The following VPS53 variants were observed in gnomAD, a reference collection of about 807,000 sequenced individuals.
VPS53 encodes the protein VPS53 subunit of GARP complex.
In VPS53, 70 loss-of-function variants were observed where a neutral mutation model predicts 107.0. The observed-to-expected ratio is 0.65, with a 90% CI of 0.54 to 0.80. The LOEUF is 0.80. Among genes scored for constraint, VPS53 ranks in the 30% least tolerant of loss-of-function variants. The pLI is 0.00. For synonymous variants in VPS53, 409 were observed against 393.3 expected (o/e 1.04, Z -0.47); for missense variants, 917 against 1,049.4 (o/e 0.87, Z 1.74).
chr17:700,967 A>G (rs1313847176), intron 2 of VPS53, among the ~76,000 whole-genome samples: 2 of 152,138 alleles, frequency 1.3e-5, no homozygotes, highest in African/African-American at 4.8e-5. Context: ...AGCTCATCCT[A>G]CTGTTCTGAC....
chr17:615,424 C>T (rs1238967701), intron 11 of VPS53, among the ~76,000 whole-genome samples: 1 of 152,130 alleles, frequency 6.6e-6, no homozygotes, highest in Non-Finnish European at 1.5e-5. Context: ...GAGCTGGCCA[C>T]ACTCTCAAGC....
chr17:632,585 T>C (rs902251858), intron 7 of VPS53, among the ~76,000 whole-genome samples: 20 of 152,302 alleles, frequency 1.3e-4, no homozygotes, highest in Admixed American at 9.2e-4. Flanking sequence ...GTCACCCTAT[T>C]GTTCTACCAA....
intron 12 of VPS53, among the ~76,000 whole-genome samples, chr17:595,775 T>C (rs1967939459): frequency 7.8e-6 from 1 of 128,104 alleles, no homozygotes; most frequent in Non-Finnish European, 1.7e-5. Flanking sequence ...AGCTGGGAGA[T>C]GGGAAGGGGT....
At chr17:598,986 G>A (rs1486076195) in intron 12 of VPS53, among the ~76,000 whole-genome samples, 1 of 57,556 alleles carries the variant, frequency 1.7e-5, no homozygotes, top group Non-Finnish European at 4.0e-5. Context: ...CGCCCCGTCC[G>A]GGAGGGAGGT....
intron 17 of VPS53, chr17:538,902 G>A (rs1910344852): frequency 6.6e-6 from 1 of 152,214 alleles, no homozygotes; most frequent in South Asian, 2.1e-4. Context: ...TCTTACGCAA[G>A]AGGCTTCTTT....
intron 13 of VPS53, among the ~76,000 whole-genome samples, chr17:566,368 G>A (rs1048602681): frequency 6.6e-5 from 10 of 152,150 alleles, no homozygotes; most frequent in Non-Finnish European, 1.2e-4. Context: ...AACTGAAGTT[G>A]GTACAAAAGG....
intron 13 of VPS53, among the ~76,000 whole-genome samples, chr17:577,061 TCAGAGAACCTAAAGCATTCC>T (rs1250359511): frequency 8.3e-6 from 1 of 120,196 alleles, no homozygotes; most frequent in East Asian, 2.7e-4. Flanking sequence ...AGAGAACCTC[TCAGAGAACCTAAAGCATTCC>T]CAGAGAACCT....
chr17:566,893 A>G (rs3786059), intron 13 of VPS53, among the ~76,000 whole-genome samples: 15,332 of 151,712 alleles, frequency 0.1, 882 homozygotes, highest in East Asian at 0.21. Context: ...ACCGGCACAC[A>G]CCACCACAAC....
chr17:601,660 G>T (rs1159205398), intron 12 of VPS53, 135 bp downstream of exon 12: 2 of 606,984 alleles, frequency 3.3e-6, no homozygotes, highest in Non-Finnish European at 5.7e-6. Context: ...TCAGATAAAG[G>T]CCTTCTGTAA....
chr17:648,196 G>A (rs892721623), intron 7 of VPS53, among the ~76,000 whole-genome samples: 3 of 152,168 alleles, frequency 2.0e-5, no homozygotes, highest in Admixed American at 6.5e-5. Context: ...CCCATTTCTC[G>A]CCCACGAGCA....
intron 17 of VPS53, among the ~76,000 whole-genome samples, chr17:545,461 C>A (rs761255483): frequency 2.1e-4 from 32 of 152,268 alleles, no homozygotes; most frequent in Non-Finnish European, 3.2e-4. Context: ...CAGCTATGGA[C>A]CTAAAGGTTT....
intron 4 of VPS53, among the ~76,000 whole-genome samples, chr17:694,799 GCT>G (rs1315116287): frequency 6.6e-6 from 1 of 152,142 alleles, no homozygotes; most frequent in African/African-American, 2.4e-5. Flanking sequence ...ATGGGGTCTC[GCT>G]CTGTCATCCG....
chr17:544,820 C>A (rs949212626), intron 17 of VPS53, among the ~76,000 whole-genome samples: 10 of 151,970 alleles, frequency 6.6e-5, no homozygotes, highest in Admixed American at 6.6e-4. Flanking sequence ...TGGCTCACAC[C>A]TGTAATTCCA....
intron 2 of VPS53, among the ~76,000 whole-genome samples, chr17:700,240 G>T (rs1973146969): frequency 6.6e-6 from 1 of 152,128 alleles, no homozygotes; most frequent in Non-Finnish European, 1.5e-5. Context: ...GAAAAGAAGT[G>T]ATTTCAAATT....
intron 10 of VPS53, 102 bp from the exon 11 acceptor site, chr17:623,776 T>C: frequency 7.6e-7 from 1 of 1,311,420 alleles, no homozygotes; most frequent in Non-Finnish European, 1.0e-6. Context: ...AAAAAATGTA[T>C]GTGGTCATTT....
At chr17:668,600 C>G (rs7209956) in intron 4 of VPS53, among the ~76,000 whole-genome samples, 1 of 152,130 alleles carries the variant, frequency 6.6e-6, no homozygotes, top group East Asian at 1.9e-4. Context: ...AGGCAACTGA[C>G]CACTAGAAAG....
At chr17:688,327 A>C (rs1972663516) in intron 4 of VPS53, among the ~76,000 whole-genome samples, 1 of 152,104 alleles carries the variant, frequency 6.6e-6, no homozygotes, top group Admixed American at 6.6e-5. Flanking sequence ...CTCTCCTGCC[A>C]CCTTGTGAAG....
intron 17 of VPS53, among the ~76,000 whole-genome samples, chr17:542,689 A>C (rs1363760029): frequency 6.6e-6 from 1 of 152,142 alleles, no homozygotes; most frequent in Non-Finnish European, 1.5e-5. Context: ...TTTTTTCAAA[A>C]AAATCTGACC....
intron 12 of VPS53, among the ~76,000 whole-genome samples, chr17:598,593 G>A (rs1352480954): frequency 2.0e-5 from 3 of 147,064 alleles, no homozygotes; most frequent in South Asian, 4.4e-4. Flanking sequence ...CTGAGATGTG[G>A]GGAGCGCCTC....
Sources: allele counts gnomAD v4.1 joint callset (sites outside exome capture counted in the v4.1 genomes callset), GRCh38; gene constraint gnomAD v4.1.1; transcripts MANE v1.5; gene names NCBI Gene and HGNC (gene_info 2026-07-23, HGNC 2026-07-21).